The following RALYL variants were observed in gnomAD, a reference collection of about 807,000 sequenced individuals.
RALYL encodes RNA-binding Raly-like protein.
Under a neutral mutation model 35.1 loss-of-function variants are expected in RALYL, and 29 were observed. The observed-to-expected ratio is 0.83, with a 90% confidence interval of 0.61 to 1.13. RALYL has a LOEUF of 1.13. RALYL is among the 50% of genes most tolerant of loss of function. RALYL has a pLI of 0.00. For synonymous variants in RALYL, 120 were observed against 127.6 expected (o/e 0.94, Z 0.40); for missense variants, 359 against 360.4 (o/e 1.00, Z 0.03).
chr8:84,268,506 AAG>A (rs1833728712), intron 1 of RALYL, among the ~76,000 whole-genome samples: 2 of 152,238 alleles, frequency 1.3e-5, no homozygotes, highest in African/African-American at 4.8e-5. Flanking sequence ...ATTAATAAGA[AAG>A]AGTAATAATT....
Position 84,382,804 on chromosome 8 carries a change from C to T in RALYL, c.-23-146495C>T, listed in dbSNP as rs572111814. On this transcript the variant is annotated intron_variant, in intron 1 of 8. Transcript: ENST00000521268. ...GAGCAATATTCATTAACTCTTCATG[C>T]TTCATGAAGCAAAAAGGGTTATTTC... Among the ~76,000 whole-genome samples, 5 of 151,512 alleles carry T rather than the reference C, an allele frequency of 3.3e-5. No individual in the cohort carries two copies. The East Asian group carries it at 9.8e-4, about 30-fold the overall frequency.
At chr8:84,322,397 A>G (rs1250741669) in intron 1 of RALYL, among the ~76,000 whole-genome samples, 2 of 152,132 alleles carry the variant, frequency 1.3e-5, no homozygotes, top group Non-Finnish European at 2.9e-5. Flanking sequence ...GTAAAAGTAA[A>G]TAATAGCTAC....
chr8:84,502,109 A>G (rs1174702387), intron 1 of RALYL, among the ~76,000 whole-genome samples: 1 of 151,976 alleles, frequency 6.6e-6, no homozygotes, highest in Admixed American at 6.6e-5. Flanking sequence ...AGTTTTTAAG[A>G]GTAAATAGTT....
intron 7 of RALYL, among the ~76,000 whole-genome samples, chr8:84,882,501 A>C (rs939082928): frequency 6.6e-6 from 1 of 152,008 alleles, no homozygotes; most frequent in South Asian, 2.1e-4. Flanking sequence ...GTTATCTTGG[A>C]TTTATATTTT....
At chr8:84,250,998 T>C (rs1239836747) in intron 1 of RALYL, among the ~76,000 whole-genome samples, 1 of 152,146 alleles carries the variant, frequency 6.6e-6, no homozygotes. Context: ...AATTCTTCAA[T>C]ATTAAATAGG....
chr8:84,751,065 C>A (rs1212517466), intron 2 of RALYL, among the ~76,000 whole-genome samples: 2 of 152,050 alleles, frequency 1.3e-5, no homozygotes, highest in African/African-American at 4.8e-5. Flanking sequence ...TCGGCCATAT[C>A]ACTGTGCTTT....
intron 2 of RALYL, among the ~76,000 whole-genome samples, chr8:84,766,125 T>G (rs980195800): frequency 1.3e-5 from 2 of 152,172 alleles, no homozygotes; most frequent in African/African-American, 4.8e-5. Flanking sequence ...TACTCCAAGT[T>G]GAATCCATGG....
At chr8:84,909,817 G>A (rs1440089863) in intron 8 of RALYL, among the ~76,000 whole-genome samples, 1 of 152,070 alleles carries the variant, frequency 6.6e-6, no homozygotes, top group Non-Finnish European at 1.5e-5. Context: ...CTCAGTGCAT[G>A]TAAGTTTTTA....
intron 1 of RALYL, among the ~76,000 whole-genome samples, chr8:84,479,038 A>G (rs2053757899): frequency 7.9e-6 from 1 of 126,676 alleles, no homozygotes; most frequent in Admixed American, 9.2e-5. Context: ...GTGAACCGAG[A>G]TTGCACCACT....
chr8:84,666,744 C>T (rs1832137150), intron 2 of RALYL, among the ~76,000 whole-genome samples: 1 of 152,032 alleles, frequency 6.6e-6, no homozygotes, highest in Non-Finnish European at 1.5e-5. Flanking sequence ...TCTTCCACTG[C>T]AGTCCTCTTG....
intron 1 of RALYL, among the ~76,000 whole-genome samples, chr8:84,335,482 T>C (rs1376631626): frequency 2.0e-5 from 3 of 152,066 alleles, no homozygotes; most frequent in Non-Finnish European, 2.9e-5. Flanking sequence ...AAGGTTGTCT[T>C]AGAATCTTTG....
intron 7 of RALYL, among the ~76,000 whole-genome samples, chr8:84,879,080 A>T (rs949667976): frequency 6.6e-6 from 1 of 152,182 alleles, no homozygotes; most frequent in East Asian, 1.9e-4. Flanking sequence ...CATGGACTCT[A>T]AAAGCAAAAA....
intron 2 of RALYL, among the ~76,000 whole-genome samples, chr8:84,652,460 C>A (rs1223643777): frequency 6.6e-6 from 1 of 152,006 alleles, no homozygotes; most frequent in Non-Finnish European, 1.5e-5. Flanking sequence ...CTTAGAGTAA[C>A]TTCACCCAGG....
Position 84,494,176 on chromosome 8 carries a change from C to G in RALYL, c.-23-35123C>G, listed in dbSNP as rs192923478. On this transcript the variant is annotated intron_variant, in intron 1 of 8. Transcript: ENST00000521268. ...TAAATAGGGAATCCTTTCCCCATTG[C>G]TTGTTTTTATCAGGTTTGTTGAAGA... 2.2e-3 allele frequency among the ~76,000 whole-genome samples: 328 copies of G among 152,194 alleles called. 1 individual carries two copies. The highest frequency in any genetic ancestry group is 3.6e-3 in the Non-Finnish European group (245 of 68,008).
intron 2 of RALYL, among the ~76,000 whole-genome samples, chr8:84,674,446 G>A (rs1833827336): frequency 6.6e-6 from 1 of 152,038 alleles, no homozygotes; most frequent in Admixed American, 6.6e-5. Flanking sequence ...ATCCTTGTCT[G>A]GTGCTAGTTT....
chr8:84,590,237 A>G (rs779820011), intron 2 of RALYL, among the ~76,000 whole-genome samples: 1 of 152,216 alleles, frequency 6.6e-6, no homozygotes, highest in Non-Finnish European at 1.5e-5. Context: ...CTAAACTTCC[A>G]CAGGTAGCAA....
At chr8:84,855,649 T>C (rs889556508) in intron 5 of RALYL, among the ~76,000 whole-genome samples, 17 of 152,344 alleles carry the variant, frequency 1.1e-4, no homozygotes, top group Non-Finnish European at 2.4e-4. Flanking sequence ...AACGTAAGTA[T>C]TTATACTCTA....
chr8:84,621,587 G>A (rs184681059), intron 2 of RALYL, among the ~76,000 whole-genome samples: 1,577 of 152,280 alleles, frequency 0.01, 33 homozygotes, highest in African/African-American at 0.035. Flanking sequence ...GCTGTAGACC[G>A]GAGCTGTTCC....
At chr8:84,530,697 G>A (rs986649811) in intron 2 of RALYL, among the ~76,000 whole-genome samples, 1 of 151,992 alleles carries the variant, frequency 6.6e-6, no homozygotes, top group African/African-American at 2.4e-5. Context: ...TAAAAACATT[G>A]ATCAGATTAT....
Sources: allele counts gnomAD v4.1 joint callset (sites outside exome capture counted in the v4.1 genomes callset), GRCh38; gene constraint gnomAD v4.1.1; transcripts MANE v1.5; gene names NCBI Gene and HGNC (gene_info 2026-07-23, HGNC 2026-07-21).